LRRTM4: variants seen among roughly 807,000 people sequenced by gnomAD.
LRRTM4 encodes leucine rich repeat transmembrane neuronal 4.
Under a neutral mutation model 47.6 loss-of-function variants are expected in LRRTM4, and 25 were observed. The observed-to-expected ratio is 0.53, with a 90% CI of 0.38 to 0.73. The LOEUF (loss-of-function observed/expected upper bound fraction) is 0.73. Among genes scored for constraint, LRRTM4 ranks in the 30% least tolerant of loss-of-function variants. LRRTM4 has a pLI of 0.00. For synonymous variants in LRRTM4, 311 were observed against 269.5 expected (o/e 1.15, Z -1.51); for missense variants, 638 against 713.4 (o/e 0.89, Z 1.20).
chr2:77,042,920 G>A (rs1348285062), intron 3 of LRRTM4, among the ~76,000 whole-genome samples: 1 of 151,574 alleles, frequency 6.6e-6, no homozygotes, highest in African/African-American at 2.4e-5. Context: ...CACACAAAGG[G>A]ATTAAAGCTC....
intron 3 of LRRTM4, among the ~76,000 whole-genome samples, chr2:77,009,992 A>G (rs1274717124): frequency 3.3e-5 from 5 of 151,668 alleles, no homozygotes; most frequent in Admixed American, 3.3e-4. Context: ...AAAAAAGTTG[A>G]TTTAACTTTA....
At chr2:76,976,589 T>G (rs2103955593) in intron 3 of LRRTM4, among the ~76,000 whole-genome samples, 1 of 151,916 alleles carries the variant, frequency 6.6e-6, no homozygotes, top group South Asian at 2.1e-4. Flanking sequence ...TAAATATTGC[T>G]GTGGCCTAGG....
intron 3 of LRRTM4, among the ~76,000 whole-genome samples, chr2:77,018,353 G>A (rs1253445676): frequency 1.4e-5 from 2 of 144,944 alleles, no homozygotes; most frequent in Non-Finnish European, 3.0e-5. Flanking sequence ...GATACCAGCA[G>A]GACTCCTAAG....
At chr2:77,473,701 G>A (rs541744086) in intron 3 of LRRTM4, among the ~76,000 whole-genome samples, 22 of 152,134 alleles carry the variant, frequency 1.4e-4, no homozygotes, top group Non-Finnish European at 3.1e-4. Flanking sequence ...AGTTGACCAT[G>A]ATTTGTGTTG....
intron 3 of LRRTM4, among the ~76,000 whole-genome samples, chr2:76,762,652 A>G (rs1673299514): frequency 6.6e-6 from 1 of 152,184 alleles, no homozygotes; most frequent in Non-Finnish European, 1.5e-5. Context: ...ATGCAGCAAA[A>G]CTCATTGATT....
At chr2:77,100,364 G>A (rs929725332) in intron 3 of LRRTM4, among the ~76,000 whole-genome samples, 73 of 152,102 alleles carry the variant, frequency 4.8e-4, no homozygotes, top group African/African-American at 1.7e-3. Flanking sequence ...CAACATAATA[G>A]GAAATAGCAT....
chr2:77,014,322 G>A (rs1488249268), intron 3 of LRRTM4, among the ~76,000 whole-genome samples: 3 of 151,948 alleles, frequency 2.0e-5, no homozygotes, highest in Non-Finnish European at 4.4e-5. Flanking sequence ...TATTCACATT[G>A]TAAATTAAAT....
chr2:77,142,213 G>C (rs1453074976), intron 3 of LRRTM4, among the ~76,000 whole-genome samples: 4 of 152,070 alleles, frequency 2.6e-5, no homozygotes, highest in Non-Finnish European at 5.9e-5. Context: ...GAATGTATTA[G>C]AACATTTACA....
At chr2:77,225,538 G>T (rs1369964114) in intron 3 of LRRTM4, among the ~76,000 whole-genome samples, 1 of 151,870 alleles carries the variant, frequency 6.6e-6, no homozygotes, top group Non-Finnish European at 1.5e-5. Flanking sequence ...ATATTAAATT[G>T]AGTACTTGTT....
chr2:76,959,798 G>C (rs75822690), intron 3 of LRRTM4, among the ~76,000 whole-genome samples: 5,749 of 151,712 alleles, frequency 0.038, 245 homozygotes, highest in East Asian at 0.14. Flanking sequence ...TGGCCCACAT[G>C]TCAGCAGAGA....
chr2:77,098,357 G>A (rs116324126), intron 3 of LRRTM4, among the ~76,000 whole-genome samples: 419 of 152,070 alleles, frequency 2.8e-3, no homozygotes, highest in African/African-American at 9.8e-3. Flanking sequence ...TAGATAAACA[G>A]GTATGAGGCC....
intron 3 of LRRTM4, among the ~76,000 whole-genome samples, chr2:77,209,178 T>C (rs1422895854): frequency 6.6e-6 from 1 of 152,142 alleles, no homozygotes; most frequent in African/African-American, 2.4e-5. Flanking sequence ...GGAGAGAAAT[T>C]ATACCTTGCT....
At chr2:76,820,909 G>A (rs1317138430) in intron 3 of LRRTM4, among the ~76,000 whole-genome samples, 1 of 51,194 alleles carries the variant, frequency 2.0e-5, no homozygotes, top group Non-Finnish European at 3.5e-5. Context: ...TTCTCTGGAG[G>A]CTGTGAAAAT....
chr2:76,757,949 T>A (rs966090403), intron 3 of LRRTM4, among the ~76,000 whole-genome samples: 3 of 152,106 alleles, frequency 2.0e-5, no homozygotes, highest in African/African-American at 7.2e-5. Flanking sequence ...AAAAAGGAAA[T>A]GAAAGCAGGA....
chr2:76,928,086 A>G (rs1674647872), intron 3 of LRRTM4, among the ~76,000 whole-genome samples: 1 of 152,172 alleles, frequency 6.6e-6, no homozygotes, highest in African/African-American at 2.4e-5. Context: ...ATGGCTTTAC[A>G]TGAGACATAT....
chr2:76,968,340 G>GTGTATATATATATA (rs1313372499), intron 3 of LRRTM4, among the ~76,000 whole-genome samples: 1 of 76,642 alleles, frequency 1.3e-5, no homozygotes, highest in Non-Finnish European at 2.6e-5. Flanking sequence ...GTGTATGTGT[G>GTGTATATATATATA]TATATATATA....
intron 3 of LRRTM4, among the ~76,000 whole-genome samples, chr2:76,755,703 G>A (rs941748576): frequency 1.3e-5 from 2 of 152,138 alleles, no homozygotes; most frequent in African/African-American, 2.4e-5. Context: ...AAATGAGAGA[G>A]AGCACTGGAG....
At chr2:77,325,740 C>T (rs771648490) in intron 3 of LRRTM4, among the ~76,000 whole-genome samples, 3 of 152,028 alleles carry the variant, frequency 2.0e-5, no homozygotes, top group Admixed American at 6.6e-5. Context: ...TACTATGTAT[C>T]GGAAAAAAGA....
At position 77,140,416 on chromosome 2, in the gene LRRTM4, A is replaced by G. The variant is rs565597803; in HGVS notation, c.1551+377902T>C. Among the ~76,000 whole-genome samples, 7 of 152,330 alleles carry G rather than the reference A, an allele frequency of 4.6e-5. No individual in the cohort carries two copies. The South Asian group carries it at 1.4e-3, about 32-fold the overall frequency. ...ATAAATGGTGCTGGGAAAACTGGCTAGCCATATGTAGAAAGCTGAAACTGG... is the reference window on the plus strand; with the variant it reads ...ATAAATGGTGCTGGGAAAACTGGCTGGCCATATGTAGAAAGCTGAAACTGG... On this transcript the variant is annotated intron_variant, in intron 3 of 3. Transcript: ENST00000409884.
Sources: allele counts gnomAD v4.1 joint callset (sites outside exome capture counted in the v4.1 genomes callset), GRCh38; gene constraint gnomAD v4.1.1; transcripts MANE v1.5; gene names NCBI Gene and HGNC (gene_info 2026-07-23, HGNC 2026-07-21).